The following HRH1 variants were observed in gnomAD, a reference collection of about 807,000 sequenced individuals.
The protein encoded by HRH1 is histamine H1 receptor.
HRH1 carries 6 observed loss-of-function variants against 10.3 expected under a neutral mutation model. The observed-to-expected ratio is 0.58, with a 90% confidence interval of 0.32 to 1.15. The LOEUF (loss-of-function observed/expected upper bound fraction) is 1.15. Among genes scored for constraint, HRH1 ranks in the 50% most tolerant of loss-of-function variants. HRH1 has a pLI of 0.05. For missense variants in HRH1, 514 were observed against 615.3 expected, an observed-to-expected ratio of 0.84 and a Z score of 1.74; for synonymous variants, 242 against 236.7, an observed-to-expected ratio of 1.02 and a Z score of -0.21.
At chr3:11,200,826 G>A (rs901267321) in intron 1 of HRH1, among the ~76,000 whole-genome samples, 2 of 152,138 alleles carry the variant, frequency 1.3e-5, no homozygotes, top group African/African-American at 4.8e-5. Flanking sequence ...CTTCATCTGG[G>A]AAATGGGAAG....
chr3:11,145,175 A>G (rs1936409489), intron 1 of HRH1, among the ~76,000 whole-genome samples: 1 of 152,070 alleles, frequency 6.6e-6, no homozygotes, highest in Admixed American at 6.5e-5. Flanking sequence ...TCCAACTCCA[A>G]TCACAACTCT....
chr3:11,254,694 A>G (rs1939739762), intron 1 of HRH1, among the ~76,000 whole-genome samples: 1 of 152,220 alleles, frequency 6.6e-6, no homozygotes, highest in Non-Finnish European at 1.5e-5. Context: ...TCCCCGGAGG[A>G]GAATGGGAAT....
rs71055856 is a variant in HRH1 at position 11,250,034 on chromosome 3, C to CTTT, written c.-35-8945_-35-8943dup. 3.0e-3 allele frequency among the ~76,000 whole-genome samples: 182 copies of CTTT among 60,798 alleles called. 20 individuals carry two copies. The highest frequency in any genetic ancestry group is 9.3e-3 in the African/African-American group (147 of 15,784). 39.9% of individuals were successfully genotyped at this position (60,798 alleles called of 152,430 possible). A position where few individuals can be genotyped will look rare whatever the true frequency, so the allele number is the denominator to read the frequency against. ...AGGAAGAGGCAGATTAAGCTTTTCT[C>CTTT]TTTTTTTTTTTTTTTTTTTTTTTTT... is the stretch of plus-strand genomic sequence containing the variant. On this transcript the variant is annotated intron_variant, in intron 1 of 1. Transcript: ENST00000431010.
chr3:11,143,847 C>T lies in HRH1; in HGVS notation c.-36+6448C>T, dbSNP rs548227219. Among the ~76,000 whole-genome samples, 38 of 152,262 alleles carry T rather than the reference C, an allele frequency of 2.5e-4. No homozygotes were observed. The South Asian group carries it at 5.4e-3, about 22-fold the overall frequency. ...TGAAACACATCCTCCCCCTTCAAGC[C>T]GGATCTTTTTTAGGTATCTTCAAGC... On this transcript the variant is annotated intron_variant, in intron 1 of 1. Coordinates refer to the HRH1 transcript ENST00000438284.
chr3:11,217,990 G>A (rs1938569771), intron 1 of HRH1, among the ~76,000 whole-genome samples: 2 of 152,122 alleles, frequency 1.3e-5, no homozygotes, highest in South Asian at 2.1e-4. Flanking sequence ...GCAATGTCAG[G>A]CCAAGGGAGA....
intron 1 of HRH1, among the ~76,000 whole-genome samples, chr3:11,140,473 AG>A (rs1375469379): frequency 1.3e-5 from 2 of 151,904 alleles, no homozygotes; most frequent in Non-Finnish European, 1.5e-5. Context: ...TTTCCACTCC[AG>A]CTATGTTCAC....
In HRH1 at chr3:11,142,994, C is replaced by G. The variant is rs1173448230; in HGVS notation, c.-36+5595C>G. Among the ~76,000 whole-genome samples the G allele has an allele frequency of 2.0e-5, 3 of 151,898 alleles. No homozygotes were observed. The South Asian group carries it at 6.2e-4, about 32-fold the overall frequency. ...TGAGTGTCCCAGGCATAGAGAACAGCGAGTGCAAAGGCCCCAAGACAGGAC... is the reference window on the plus strand; with the variant it reads ...TGAGTGTCCCAGGCATAGAGAACAGGGAGTGCAAAGGCCCCAAGACAGGAC... On this transcript the variant is annotated intron_variant, in intron 1 of 1. Coordinates refer to the HRH1 transcript ENST00000438284.
intron 1 of HRH1, among the ~76,000 whole-genome samples, chr3:11,211,659 A>G (rs1201071007): frequency 6.6e-6 from 1 of 152,198 alleles, no homozygotes; most frequent in Non-Finnish European, 1.5e-5. Flanking sequence ...TCAAGTCAGG[A>G]AGATAAATGA....
chr3:11,231,152 A>G (rs2125044130), intron 1 of HRH1, among the ~76,000 whole-genome samples: 1 of 152,322 alleles, frequency 6.6e-6, no homozygotes, highest in Admixed American at 6.5e-5. Context: ...CTGGAGACTC[A>G]TCCAAGTTGA....
chr3:11,234,944 G>A (rs564468539), intron 1 of HRH1, among the ~76,000 whole-genome samples: 59 of 152,176 alleles, frequency 3.9e-4, no homozygotes, highest in African/African-American at 1.0e-3. Flanking sequence ...GGCCGGGTAC[G>A]GTGGCTCACG....
intron 1 of HRH1, among the ~76,000 whole-genome samples, chr3:11,230,713 C>G (rs1051815919): frequency 1.3e-5 from 2 of 152,170 alleles, no homozygotes; most frequent in Non-Finnish European, 1.5e-5. Context: ...TTGTTTAATC[C>G]TGGCTGCACA....
intron 1 of HRH1, among the ~76,000 whole-genome samples, chr3:11,144,478 TATATACACACAC>T (rs1936382731): frequency 1.3e-5 from 2 of 148,220 alleles, no homozygotes; most frequent in African/African-American, 5.0e-5. Flanking sequence ...TATAGACATA[TATATACACACAC>T]ACACACGCCA....
At chr3:11,150,620 T>C (rs1010210524), upstream of HRH1, among the ~76,000 whole-genome samples, 1 of 152,262 alleles carries the variant, frequency 6.6e-6, no homozygotes, top group Non-Finnish European at 1.5e-5. Context: ...GATGACTCCC[T>C]TGGTTAGTGG....
chr3:11,166,511 A>T (rs1186169043), intron 1 of HRH1, among the ~76,000 whole-genome samples: 1 of 152,164 alleles, frequency 6.6e-6, no homozygotes, highest in African/African-American at 2.4e-5. Flanking sequence ...CGGCTTCTCC[A>T]GGCCCGTGAC....
intron 1 of HRH1, among the ~76,000 whole-genome samples, chr3:11,173,235 T>C (rs1204165842): frequency 6.6e-6 from 1 of 152,196 alleles, no homozygotes; most frequent in African/African-American, 2.4e-5. Flanking sequence ...TTTTCTTGGG[T>C]TGATTCATTT....
At chr3:11,245,487 G>A (rs756711215) in intron 1 of HRH1, among the ~76,000 whole-genome samples, 7 of 152,122 alleles carry the variant, frequency 4.6e-5, no homozygotes, top group South Asian at 4.1e-4. Context: ...CCTCCTCTCC[G>A]CCCAGATATG....
chr3:11,242,394 A>G (rs1432643104), intron 1 of HRH1, among the ~76,000 whole-genome samples: 1 of 145,786 alleles, frequency 6.9e-6, no homozygotes, highest in Non-Finnish European at 1.5e-5. Context: ...TGTCAGGAGA[A>G]TGGTGTGAAC....
intron 1 of HRH1, among the ~76,000 whole-genome samples, chr3:11,145,451 A>T (rs1449488114): frequency 6.6e-6 from 1 of 151,964 alleles, no homozygotes; most frequent in African/African-American, 2.4e-5. Flanking sequence ...CTCTGTCCCT[A>T]CTGCACCCCA....
At chr3:11,210,968 T>C (rs1938308751) in intron 1 of HRH1, among the ~76,000 whole-genome samples, 1 of 152,194 alleles carries the variant, frequency 6.6e-6, no homozygotes, top group Non-Finnish European at 1.5e-5. Context: ...AACTATCAGT[T>C]GAGTGCCTGT....
Sources: allele counts gnomAD v4.1 joint callset (sites outside exome capture counted in the v4.1 genomes callset), GRCh38; gene constraint gnomAD v4.1.1; transcripts MANE v1.5; gene names NCBI Gene and HGNC (gene_info 2026-07-23, HGNC 2026-07-21).